GALNTL6: variants seen among roughly 807,000 people sequenced by gnomAD.
GALNTL6 encodes polypeptide N-acetylgalactosaminyltransferase like 6, also known as polypeptide N-acetylgalactosaminyltransferase-like 6.
Under a neutral mutation model 73.7 loss-of-function variants are expected in GALNTL6, and 46 were observed. The observed-to-expected ratio is 0.62, with a 90% CI of 0.49 to 0.80. The LOEUF (loss-of-function observed/expected upper bound fraction) is 0.80. GALNTL6 is among the 30% of genes least tolerant of loss of function. GALNTL6 has a pLI of 0.00. For missense variants in GALNTL6, 604 were observed against 755.0 expected, an observed-to-expected ratio of 0.80 and a Z score of 2.34; for synonymous variants, 259 against 263.7, an observed-to-expected ratio of 0.98 and a Z score of 0.17.
chr4:172,229,559 A>G (rs1208428865), intron 2 of GALNTL6, 97 bp from the exon 3 acceptor site: 3 of 664,212 alleles, frequency 4.5e-6, no homozygotes, highest in Non-Finnish European at 8.0e-6. Context: ...TATTTAACAG[A>G]TATTCTTTGA....
chr4:171,873,767 A>G (rs549207510), intron 2 of GALNTL6, among the ~76,000 whole-genome samples: 6 of 152,238 alleles, frequency 3.9e-5, no homozygotes, highest in Admixed American at 3.9e-4. Flanking sequence ...AATTCTATGG[A>G]TCAATAGGTA....
rs917007556 is a variant in GALNTL6 at position 172,268,600 on chromosome 4, G to A, written c.247+38836G>A. 5.3e-5 allele frequency among the ~76,000 whole-genome samples: 8 copies of A among 152,320 alleles called. No homozygotes were observed. The East Asian group carries it at 1.5e-3, about 29-fold the overall frequency. On this transcript the variant is annotated intron_variant, in intron 3 of 12. Transcript: ENST00000506823. ...CTCTCTGTAGCTAATACCTTTCGCA[G>A]TTGGGGAAACAAATCTGAACTCTTG...
intron 5 of GALNTL6, among the ~76,000 whole-genome samples, chr4:172,795,608 T>C (rs1375225170): frequency 1.3e-5 from 2 of 152,214 alleles, no homozygotes; most frequent in Non-Finnish European, 2.9e-5. Context: ...TGTTTTTTGA[T>C]ACAGGCATGC....
At chr4:172,036,142 T>A (rs193162867) in intron 2 of GALNTL6, among the ~76,000 whole-genome samples, 138 of 152,178 alleles carry the variant, frequency 9.1e-4, no homozygotes, top group African/African-American at 3.1e-3. Context: ...ACAGCATAAA[T>A]CACACATGTA....
chr4:172,191,960 T>C (rs1735601127), intron 2 of GALNTL6, among the ~76,000 whole-genome samples: 1 of 151,930 alleles, frequency 6.6e-6, no homozygotes, highest in Admixed American at 6.5e-5. Flanking sequence ...ACATGCATAA[T>C]AAATAATTGA....
chr4:171,987,691 G>A (rs557890226), intron 2 of GALNTL6, among the ~76,000 whole-genome samples: 1 of 152,306 alleles, frequency 6.6e-6, no homozygotes, highest in African/African-American at 2.4e-5. Flanking sequence ...GAAAGGAAAT[G>A]AGAGGTTCTA....
At chr4:171,917,314 C>T (rs1737659839) in intron 2 of GALNTL6, among the ~76,000 whole-genome samples, 1 of 151,922 alleles carries the variant, frequency 6.6e-6, no homozygotes, top group Non-Finnish European at 1.5e-5. Context: ...GTGAGCTTGG[C>T]AGGTTGCTCC....
intron 5 of GALNTL6, among the ~76,000 whole-genome samples, chr4:172,582,280 T>C (rs976682717): frequency 4.6e-5 from 7 of 152,194 alleles, no homozygotes; most frequent in African/African-American, 1.4e-4. Flanking sequence ...ACTTAATAAC[T>C]ATGTGGCCTT....
intron 5 of GALNTL6, among the ~76,000 whole-genome samples, chr4:172,770,307 T>C (rs1055115073): frequency 4.6e-5 from 5 of 107,798 alleles, no homozygotes; most frequent in African/African-American, 1.5e-4. Flanking sequence ...AAATAAGCTT[T>C]TATAGATAAA....
intron 2 of GALNTL6, among the ~76,000 whole-genome samples, chr4:171,869,700 A>G (rs886527198): frequency 1.3e-5 from 2 of 152,140 alleles, no homozygotes; most frequent in East Asian, 1.9e-4. Context: ...TGTAGCTCCC[A>G]TAATTCACAT....
At chr4:172,618,242 TG>T (rs111719945) in intron 5 of GALNTL6, among the ~76,000 whole-genome samples, 7,885 of 152,224 alleles carry the variant, frequency 0.052, 386 homozygotes, top group African/African-American at 0.13. Flanking sequence ...ACTGGTCATA[TG>T]GAGCTGAAAG....
At chr4:172,951,230 C>A (rs956335912) in intron 9 of GALNTL6, among the ~76,000 whole-genome samples, 4 of 152,210 alleles carry the variant, frequency 2.6e-5, no homozygotes, top group Non-Finnish European at 4.4e-5. Flanking sequence ...CCTACAGCCA[C>A]CCCCGTGATG....
intron 2 of GALNTL6, among the ~76,000 whole-genome samples, chr4:171,958,021 C>A (rs538058442): frequency 2.0e-5 from 3 of 152,186 alleles, no homozygotes; most frequent in East Asian, 1.9e-4. Context: ...AGAAAAGCAC[C>A]TTTGTGTAAG....
At chr4:172,460,466 A>G (rs548146120) in intron 5 of GALNTL6, among the ~76,000 whole-genome samples, 38 of 152,206 alleles carry the variant, frequency 2.5e-4, no homozygotes, top group Admixed American at 3.9e-4. Flanking sequence ...TTTGCAACCT[A>G]TCCATCTGAC....
intron 8 of GALNTL6, among the ~76,000 whole-genome samples, chr4:172,901,489 C>T (rs533944284): frequency 1.6e-4 from 25 of 152,040 alleles, no homozygotes; most frequent in Non-Finnish European, 3.1e-4. Flanking sequence ...CTGGAAAACA[C>T]GTCTGGATAA....
chr4:172,785,867 G>A (rs1458151573), intron 5 of GALNTL6, among the ~76,000 whole-genome samples: 3 of 152,128 alleles, frequency 2.0e-5, no homozygotes, highest in South Asian at 2.1e-4. Flanking sequence ...GTGAGTTTTT[G>A]TTGGTGTTTC....
intron 2 of GALNTL6, among the ~76,000 whole-genome samples, chr4:171,920,831 G>A (rs1394459023): frequency 6.6e-6 from 1 of 152,006 alleles, no homozygotes; most frequent in Non-Finnish European, 1.5e-5. Context: ...CATATGAAAA[G>A]CATCTCTATC....
chr4:172,648,258 C>T (rs185982082), intron 5 of GALNTL6, among the ~76,000 whole-genome samples: 264 of 152,164 alleles, frequency 1.7e-3, no homozygotes, highest in Middle Eastern at 0.017. Context: ...AACTCATTGG[C>T]CAGGCTTCAG....
intron 2 of GALNTL6, among the ~76,000 whole-genome samples, chr4:171,837,586 TATTA>T (rs1369727780): frequency 2.7e-5 from 4 of 147,252 alleles, no homozygotes; most frequent in Non-Finnish European, 6.0e-5. Flanking sequence ...ATATTATAGA[TATTA>T]ATTATTATAT....
Sources: allele counts gnomAD v4.1 joint callset (sites outside exome capture counted in the v4.1 genomes callset), GRCh38; gene constraint gnomAD v4.1.1; transcripts MANE v1.5; gene names NCBI Gene and HGNC (gene_info 2026-07-23, HGNC 2026-07-21).